POLR3A: variants seen among roughly 807,000 people sequenced by gnomAD.
POLR3A encodes the protein RNA polymerase III subunit A, also known as DNA-directed RNA polymerase III subunit RPC1.
In POLR3A, 112 loss-of-function variants were observed where a neutral mutation model predicts 152.8. That is an observed-to-expected ratio of 0.73 (90% CI 0.63 to 0.86). POLR3A has a LOEUF of 0.86. POLR3A is among the 40% of genes least tolerant of loss of function. The pLI is 0.00. For synonymous variants in POLR3A, 615 were observed against 652.1 expected, an observed-to-expected ratio of 0.94 and a Z score of 0.87; for missense variants, 1,385 against 1,743.1, an observed-to-expected ratio of 0.79 and a Z score of 3.66.
At position 77,975,257 on chromosome 10, in the gene POLR3A, C is replaced by A. The variant is rs986226642; in HGVS notation, c.*2221G>T. 2.0e-5 allele frequency: 3 copies of A among 152,220 alleles called. No individual in the cohort carries two copies. Among genetic ancestry groups the A allele is most frequent in the African/African-American group, 7.2e-5 (3 of 41,444 alleles). The allele number at this position is 152,220 out of a possible 1,614,324, so 9.4% of individuals were successfully genotyped here. ...GATGTGCTGCTACCTGGCCTTTGAG[C>A]TCTGTGCTGGCATAAAGCCCAAGGC... On this transcript the variant is annotated 3_prime_UTR_variant, in exon 31 of 31. Coordinates refer to ENST00000372371, the MANE Select transcript of POLR3A (RefSeq NM_007055.4).
chr10:77,985,337 T>C lies in POLR3A; in HGVS notation c.3075A>G (p.Ala1025=), dbSNP rs1024391380. ...CCACTGCAGAACCTGGCTCCATCTG[T>C]GCCCTAGAAGGCAAAGGTATGGATG... is the stretch of plus-strand genomic sequence containing the variant. The part of the protein sequence containing the change: ...LETCRDKYMR[A]QMEPGSAVGA... The change falls in exon 24 of 31, where the codon GCA becomes GCG. Residue 1025 remains alanine (A), a synonymous_variant. Transcript: ENST00000372371. The C allele has an allele frequency of 1.2e-6, 2 of 1,613,780 alleles. No homozygotes were observed. Among genetic ancestry groups the C allele is most frequent in the Non-Finnish European group, 1.7e-6 (2 of 1,179,792 alleles).
At chr10:77,985,146 C>T (rs756273779) in intron 24 of POLR3A, 24 bp downstream of exon 24, 2 of 1,599,260 alleles carry the variant, frequency 1.3e-6, no homozygotes, top group East Asian at 2.2e-5. Context: ...ATGTGTGGAA[C>T]AAGAAGGAAA....
intron 8 of POLR3A, among the ~76,000 whole-genome samples, chr10:78,020,742 C>T (rs1199029905): frequency 6.6e-6 from 1 of 151,976 alleles, no homozygotes; most frequent in Non-Finnish European, 1.5e-5. Context: ...AAGCAGAGAT[C>T]ACGCCACTGC....
chr10:78,023,820 T>A (rs945438718), intron 5 of POLR3A, among the ~76,000 whole-genome samples: 3 of 148,670 alleles, frequency 2.0e-5, no homozygotes, highest in Admixed American at 2.0e-4. Flanking sequence ...AAAATAATAA[T>A]AAAAAAAAAG....
Position 78,019,282 on chromosome 10 carries a change from C to A in POLR3A, c.1186-17G>T. 4 of 1,532,758 alleles carry A rather than the reference C, an allele frequency of 2.6e-6. No homozygotes were observed. Among genetic ancestry groups the A allele is most frequent in the Middle Eastern group, 1.7e-4 (1 of 5,904 alleles). 94.9% of individuals were successfully genotyped at this position (1,532,758 alleles called of 1,614,324 possible). A position where few individuals can be genotyped will look rare whatever the true frequency, so the allele number is the denominator to read the frequency against. On this transcript the variant is annotated splice_polypyrimidine_tract_variant and intron_variant, in intron 8 of 30. Coordinates refer to ENST00000372371, the MANE Select transcript of POLR3A (RefSeq NM_007055.4). ...TTTGTTTACCTGCAGTACAAAAAAA[C>A]CACAATAAGTTACTCCCAGGTAACT...
chr10:77,986,369 C>T (rs1863886), intron 21 of POLR3A, among the ~76,000 whole-genome samples: 26 of 152,168 alleles, frequency 1.7e-4, no homozygotes, highest in Non-Finnish European at 2.9e-4. Context: ...CAGACACACA[C>T]TCCATTGGTT....
chr10:78,007,999 A>G, intron 14 of POLR3A, 133 bp from the exon 15 acceptor site: 2 of 138,738 alleles, frequency 1.4e-5, no homozygotes, highest in Non-Finnish European at 2.7e-5. Flanking sequence ...TTCTCCTCAA[A>G]GCTTTTTTTT....
chr10:78,019,348 C>T, intron 8 of POLR3A, 83 bp from the exon 9 acceptor site: 1 of 981,360 alleles, frequency 1.0e-6, no homozygotes, highest in South Asian at 1.3e-5. Flanking sequence ...TTAATCTTTA[C>T]TTTCCTTGTT....
intron 20 of POLR3A, 55 bp downstream of exon 20, chr10:77,993,142 C>T: frequency 7.3e-7 from 1 of 1,365,448 alleles, no homozygotes; most frequent in Non-Finnish European, 1.0e-6. Context: ...GTACTTCCGT[C>T]CTAAAGAAAC....
At chr10:78,007,343 T>C (rs1387760682) in intron 15 of POLR3A, among the ~76,000 whole-genome samples, 1 of 152,136 alleles carries the variant, frequency 6.6e-6, no homozygotes, top group Non-Finnish European at 1.5e-5. Context: ...AGGCAAATAT[T>C]GAGTAATCTT....
At chr10:77,995,171 T>C (rs1423265676) in intron 19 of POLR3A, among the ~76,000 whole-genome samples, 1 of 152,014 alleles carries the variant, frequency 6.6e-6, no homozygotes, top group East Asian at 1.9e-4. Context: ...GCACTAAACA[T>C]GGAAAGGAAT....
intron 10 of POLR3A, among the ~76,000 whole-genome samples, chr10:78,017,156 G>C (rs1847532383): frequency 6.6e-6 from 1 of 151,746 alleles, no homozygotes; most frequent in African/African-American, 2.4e-5. Flanking sequence ...CAGCTGTAGG[G>C]GCTACTCACG....
chr10:78,007,586 T>C, intron 15 of POLR3A, 116 bp downstream of exon 15: 1 of 835,794 alleles, frequency 1.2e-6, no homozygotes, highest in Non-Finnish European at 2.0e-6. Flanking sequence ...GAGTATCTTT[T>C]TCTGTATGTA....
chr10:78,000,854 T>C, intron 18 of POLR3A, 122 bp downstream of exon 18: 1 of 681,804 alleles, frequency 1.5e-6, no homozygotes, highest in Non-Finnish European at 2.7e-6. Context: ...TGGCAAAAAA[T>C]ACATATATAA....
chr10:78,026,168 C>T lies in POLR3A; in HGVS notation c.106G>A (p.Val36Ile). The T allele has an allele frequency of 6.2e-7, 1 of 1,614,234 alleles. No homozygotes were observed. Among genetic ancestry groups the T allele is most frequent in the South Asian group, 1.1e-5 (1 of 91,088 alleles). Residue 36 changes from valine (V) to isoleucine (I), a missense_variant, in exon 2 of 31, where the codon GTT (valine) becomes ATT (isoleucine). Physicochemically the swap from Val to Ile is conservative, Grantham distance 29. Transcript: ENST00000372371. ...TGGCTGTACAGGTTCTTACTCACAACTTGGATGTGCGCCTGCTGGCGCATC... is the reference window on the plus strand; with the variant it reads ...TGGCTGTACAGGTTCTTACTCACAATTTGGATGTGCGCCTGCTGGCGCATC... ...EEMRQQAHIQVVSKNLYSQDN... is the reference protein window; with the variant it reads ...EEMRQQAHIQIVSKNLYSQDN...
At position 78,009,543 on chromosome 10, in the gene POLR3A, C is replaced by T. The variant is rs1241708620; in HGVS notation, c.1903G>A (p.Asp635Asn). Residue 635 changes from aspartate to asparagine, a missense_variant, in exon 14 of 31, where the codon GAT (aspartate) becomes AAT (asparagine). Asp to Asn is a conservative substitution (Grantham distance 23, BLOSUM62 1). Around this residue, in one of 7 missense-constraint regions of POLR3A, gnomAD observed 188 missense variants for 179.9 expected, o/e 1.04. Transcript: ENST00000372371. ...CCGAGTTCCGTCCACTCACAGGAAT[C>T]ATTGGCACAGAGATCTTCCCCTTTG... ...CGKGEDLCAN[D>N]SYVTIQNSEL... The T allele has an allele frequency of 6.2e-7, 1 of 1,614,118 alleles. No individual in the cohort carries two copies. Among genetic ancestry groups the T allele is most frequent in the African/African-American group, 1.3e-5 (1 of 74,938 alleles).
At position 78,022,366 on chromosome 10, in the gene POLR3A, C is replaced by T. The variant is rs1189604133; in HGVS notation, c.664G>A (p.Val222Ile). 11 of 1,613,734 alleles carry T rather than the reference C, an allele frequency of 6.8e-6. No individual in the cohort carries two copies. The highest frequency in any genetic ancestry group is 8.5e-6 in the Non-Finnish European group (10 of 1,179,946). The part of the protein sequence containing the change: ...GRAQENLNPL[V>I]VLNLFKRIPA... ...ATTCGTTTAAATAAATTCAGAACTA[C>T]TAAGGGATTCAAGTTTTCCTATGGA... Residue 222 changes from valine to isoleucine, a missense_variant, in exon 6 of 31, where the codon GTA becomes ATA. By Grantham distance (29) the Val-to-Ile change is conservative. Coordinates refer to ENST00000372371, the MANE Select transcript of POLR3A (RefSeq NM_007055.4).
intron 19 of POLR3A, among the ~76,000 whole-genome samples, chr10:77,996,177 T>C (rs1847298425): frequency 6.6e-6 from 1 of 151,556 alleles, no homozygotes; most frequent in Non-Finnish European, 1.5e-5. Context: ...TAGAGGGAAA[T>C]TTATAGCACT....
chr10:77,987,941 A>G (rs1847212710), intron 21 of POLR3A, among the ~76,000 whole-genome samples: 1 of 152,074 alleles, frequency 6.6e-6, no homozygotes, highest in Non-Finnish European at 1.5e-5. Context: ...GCAACCAACC[A>G]CTCCACGAAG....
Sources: allele counts gnomAD v4.1 joint callset (sites outside exome capture counted in the v4.1 genomes callset), GRCh38; gene constraint gnomAD v4.1.1; regional missense constraint gnomAD v4.1.1; transcripts MANE v1.5; gene names NCBI Gene and HGNC (gene_info 2026-07-23, HGNC 2026-07-21).